The following CDK14 variants were observed in gnomAD, a reference collection of about 807,000 sequenced individuals.
CDK14 encodes cyclin dependent kinase 14, also known as cyclin-dependent kinase 14.
CDK14 carries 34 observed loss-of-function variants against 60.7 expected under a neutral mutation model. That is an observed-to-expected ratio of 0.56 (90% confidence interval 0.43 to 0.75). CDK14 has a LOEUF of 0.75. Ranked by LOEUF, CDK14 falls within the 30% of genes least tolerant of loss-of-function variation. The probability of loss-of-function intolerance (pLI) is 0.00; values close to 1 mark genes in which losing one functional copy is unlikely to be tolerated. For synonymous variants in CDK14, 197 were observed against 203.7 expected, an observed-to-expected ratio of 0.97 and a Z score of 0.28; for missense variants, 482 against 564.1, an observed-to-expected ratio of 0.85 and a Z score of 1.47.
At chr7:90,855,558 T>A (rs955226326) in intron 5 of CDK14, among the ~76,000 whole-genome samples, 1 of 152,208 alleles carries the variant, frequency 6.6e-6, no homozygotes, top group Admixed American at 6.5e-5. Flanking sequence ...AACTATAATT[T>A]GATGAATAGA....
intron 5 of CDK14, among the ~76,000 whole-genome samples, chr7:90,845,791 A>AT (rs552373219): frequency 1.4e-3 from 209 of 152,116 alleles, no homozygotes; most frequent in African/African-American, 4.9e-3. Context: ...TAAAATGAGA[A>AT]TTTTTTTGTC....
chr7:90,698,433 AC>A (rs1801711310), intron 2 of CDK14, among the ~76,000 whole-genome samples: 1 of 152,160 alleles, frequency 6.6e-6, no homozygotes, highest in Non-Finnish European at 1.5e-5. Flanking sequence ...GGTTTTTCTG[AC>A]TGGTATTTAA....
chr7:90,795,476 A>C (rs1300255395), intron 5 of CDK14, among the ~76,000 whole-genome samples: 1 of 150,232 alleles, frequency 6.7e-6, no homozygotes, highest in African/African-American at 2.4e-5. Context: ...ATATATTTGA[A>C]ATTATATTTA....
intron 10 of CDK14, among the ~76,000 whole-genome samples, chr7:91,022,197 C>T (rs779440549): frequency 9.2e-5 from 14 of 152,180 alleles, no homozygotes; most frequent in Admixed American, 2.0e-4. Flanking sequence ...GTGATATATT[C>T]TGTCTGGGGC....
In CDK14 at chr7:90,991,192, G is replaced by C. The variant is rs148602234; in HGVS notation, c.1041+6951G>C. Reference sequence around the variant, plus strand: ...GAGGGAGAGGAAGAAGAGAACTCAAGGTACTGGACTTTATGTGATAGCGGC... The same window carrying C: ...GAGGGAGAGGAAGAAGAGAACTCAACGTACTGGACTTTATGTGATAGCGGC... On this transcript the variant is annotated intron_variant, in intron 10 of 14. Coordinates refer to ENST00000380050, the MANE Select transcript of CDK14 (RefSeq NM_001287135.2). Among the ~76,000 whole-genome samples, 77 of 152,258 alleles carry C rather than the reference G, an allele frequency of 5.1e-4. No homozygotes were observed. The East Asian group carries it at 0.013, about 26-fold the overall frequency.
rs1319619504 is a variant in CDK14, at chr7:91,207,712, T to C, written c.*576T>C. On this transcript the variant is annotated 3_prime_UTR_variant, in exon 15 of 15. Transcript: ENST00000380050. Reference sequence around the variant, plus strand: ...TGGGGCCCCACCTGTTGCTTACCTTTTGAGGTAATTTTGCAAATGTGGTTT... The same window carrying C: ...TGGGGCCCCACCTGTTGCTTACCTTCTGAGGTAATTTTGCAAATGTGGTTT... 1.3e-5 allele frequency: 2 copies of C among 152,692 alleles called. No individual in the cohort carries two copies. The highest frequency in any genetic ancestry group is 2.9e-5 in the Non-Finnish European group (2 of 68,046). 9.5% of individuals were successfully genotyped at this position (152,692 alleles called of 1,614,324 possible).
At chr7:90,938,181 G>A (rs2117498138) in intron 8 of CDK14, among the ~76,000 whole-genome samples, 1 of 152,238 alleles carries the variant, frequency 6.6e-6, no homozygotes, top group African/African-American at 2.4e-5. Context: ...ATGTAATATT[G>A]CTAAATACAG....
chr7:91,027,676 T>C (rs985393540), intron 10 of CDK14, among the ~76,000 whole-genome samples: 11 of 151,774 alleles, frequency 7.2e-5, no homozygotes, highest in South Asian at 2.1e-4. Context: ...TGTTTTTCAA[T>C]AGCTTTAGGG....
chr7:91,159,134 A>G (rs1801085880), intron 14 of CDK14, among the ~76,000 whole-genome samples: 1 of 152,206 alleles, frequency 6.6e-6, no homozygotes, highest in South Asian at 2.1e-4. Flanking sequence ...TGGCATCTTT[A>G]TATTTCTTTT....
At chr7:90,700,639 A>G (rs1801763879) in intron 2 of CDK14, among the ~76,000 whole-genome samples, 1 of 152,194 alleles carries the variant, frequency 6.6e-6, no homozygotes, top group Non-Finnish European at 1.5e-5. Context: ...GCTAAGAGTG[A>G]TCATTGCCAG....
intron 5 of CDK14, among the ~76,000 whole-genome samples, chr7:90,822,213 C>G (rs372657220): frequency 1.3e-5 from 2 of 152,140 alleles, no homozygotes; most frequent in Non-Finnish European, 2.9e-5. Flanking sequence ...GACTGCTTTA[C>G]TCCTTGATTA....
intron 2 of CDK14, among the ~76,000 whole-genome samples, chr7:90,654,452 A>G (rs1220960728): frequency 6.6e-6 from 1 of 152,146 alleles, no homozygotes; most frequent in African/African-American, 2.4e-5. Flanking sequence ...TATTTTCTTT[A>G]TTTAGCTTAA....
chr7:91,080,214 A>C (rs779400487), intron 12 of CDK14, among the ~76,000 whole-genome samples: 3 of 151,562 alleles, frequency 2.0e-5, no homozygotes, highest in Non-Finnish European at 4.4e-5. Flanking sequence ...AATTTTGTCT[A>C]CTTGGAATTT....
At chr7:90,970,836 A>C (rs1427254882) in intron 9 of CDK14, among the ~76,000 whole-genome samples, 2 of 152,180 alleles carry the variant, frequency 1.3e-5, no homozygotes, top group Non-Finnish European at 2.9e-5. Context: ...ATTTCATAGG[A>C]TAATATTAGC....
intron 6 of CDK14, among the ~76,000 whole-genome samples, chr7:90,891,612 A>G (rs960001323): frequency 6.6e-6 from 1 of 152,224 alleles, no homozygotes; most frequent in African/African-American, 2.4e-5. Context: ...GAAGTTAAGG[A>G]TATAGAGTCT....
At position 90,726,767 on chromosome 7, in the gene CDK14, T is replaced by A. The variant is rs765307021; in HGVS notation, c.324T>A (p.Thr108=). 10 of 1,613,698 alleles carry A rather than the reference T, an allele frequency of 6.2e-6. 1 individual carries two copies. In the South Asian group the frequency reaches 7.7e-5, roughly 12 times the overall value. The part of the protein sequence containing the change: ...NACINFKTSS[T]GKESPKVRRH... ...GCATTAACTTTAAGACCTCCTCCAC[T>A]GGCAAAGAGTCACCTAAAGTTAGGC... The change falls in exon 3 of 15, where the codon ACT becomes ACA. Residue 108 remains threonine (T), a synonymous_variant. Transcript: ENST00000380050.
intron 6 of CDK14, among the ~76,000 whole-genome samples, chr7:90,872,793 T>C (rs1194727589): frequency 6.6e-6 from 1 of 152,214 alleles, no homozygotes; most frequent in Non-Finnish European, 1.5e-5. Context: ...GATCTCCAAC[T>C]GTTGCTATGG....
intron 8 of CDK14, among the ~76,000 whole-genome samples, chr7:90,918,431 A>G (rs1282163541): frequency 6.6e-6 from 1 of 152,222 alleles, no homozygotes; most frequent in African/African-American, 2.4e-5. Context: ...TCCAAACACC[A>G]TGTTTGAGCA....
At chr7:90,738,119 G>T (rs1803196613) in intron 3 of CDK14, among the ~76,000 whole-genome samples, 1 of 152,192 alleles carries the variant, frequency 6.6e-6, no homozygotes, top group African/African-American at 2.4e-5. Flanking sequence ...AGGACTCTGT[G>T]TGAATATTCC....
Sources: allele counts gnomAD v4.1 joint callset (sites outside exome capture counted in the v4.1 genomes callset), GRCh38; gene constraint gnomAD v4.1.1; transcripts MANE v1.5; gene names NCBI Gene and HGNC (gene_info 2026-07-23, HGNC 2026-07-21).